The following ESRRB variants were observed in gnomAD, a reference collection of about 807,000 sequenced individuals.
The protein encoded by ESRRB is estrogen related receptor beta.
A neutral mutation model predicts 46.0 loss-of-function variants in ESRRB; 16 were observed. That is an observed-to-expected ratio of 0.35 (90% CI 0.24 to 0.53). The LOEUF (loss-of-function observed/expected upper bound fraction) is 0.53, where lower values mean the gene tolerates loss of function less well. Among genes scored for constraint, ESRRB ranks in the 20% least tolerant of loss-of-function variants. The pLI is 0.93. For missense variants in ESRRB, 488 were observed against 607.4 expected (o/e 0.80, Z 2.07); for synonymous variants, 246 against 259.6 (o/e 0.95, Z 0.50).
chr14:76,331,513 G>A (rs942049774), intron 1 of ESRRB, among the ~76,000 whole-genome samples: 1 of 152,120 alleles, frequency 6.6e-6, no homozygotes, highest in African/African-American at 2.4e-5. Context: ...TGTGTGGTTG[G>A]GGGAGAGGCT....
intron 1 of ESRRB, among the ~76,000 whole-genome samples, chr14:76,323,727 A>T (rs978531748): frequency 2.6e-5 from 4 of 152,158 alleles, no homozygotes; most frequent in Non-Finnish European, 4.4e-5. Flanking sequence ...GCAGGGTGAC[A>T]GCATATTAGG....
chr14:76,339,215 A>G (rs1029224236), intron 1 of ESRRB, among the ~76,000 whole-genome samples: 15 of 152,178 alleles, frequency 9.9e-5, no homozygotes, highest in Non-Finnish European at 1.8e-4. Flanking sequence ...GCTGTGTGGC[A>G]TCACGGAAAT....
chr14:76,457,265 G>A (rs1040779600), intron 2 of ESRRB, among the ~76,000 whole-genome samples: 2 of 152,022 alleles, frequency 1.3e-5, no homozygotes, highest in Non-Finnish European at 2.9e-5. Context: ...TCTAGGGACC[G>A]GAGGCAGACC....
intron 1 of ESRRB, among the ~76,000 whole-genome samples, chr14:76,390,103 T>C (rs577427909): frequency 3.0e-4 from 45 of 152,280 alleles, no homozygotes; most frequent in African/African-American, 1.0e-3. Context: ...ACATCCCAGC[T>C]CTGTGACCCC....
At chr14:76,407,420 G>A (rs1886236885) in intron 1 of ESRRB, 1 of 431,764 alleles carries the variant, frequency 2.3e-6, no homozygotes, top group Admixed American at 6.4e-5. Context: ...ATGTTTGAGG[G>A]CCGAAGAGCC....
chr14:76,374,493 G>A (rs1200817737), upstream of ESRRB, among the ~76,000 whole-genome samples: 1 of 152,142 alleles, frequency 6.6e-6, no homozygotes, highest in Non-Finnish European at 1.5e-5. Flanking sequence ...GGAGGCCAAG[G>A]ACTGGGGCCT....
upstream of ESRRB, among the ~76,000 whole-genome samples, chr14:76,368,757 G>A (rs969569108): frequency 2.6e-5 from 4 of 152,166 alleles, no homozygotes; most frequent in Non-Finnish European, 5.9e-5. Context: ...TGAAGCTCGA[G>A]CCTTCATGTA....
intron 3 of ESRRB, among the ~76,000 whole-genome samples, chr14:76,478,610 T>C (rs1326488671): frequency 6.6e-6 from 1 of 151,872 alleles, no homozygotes; most frequent in African/African-American, 2.4e-5. Flanking sequence ...TCCTGGCATA[T>C]AGTAGGTGCT....
chr14:76,480,812 G>A (rs1416447805), intron 3 of ESRRB, among the ~76,000 whole-genome samples: 1 of 152,232 alleles, frequency 6.6e-6, no homozygotes, highest in Non-Finnish European at 1.5e-5. Context: ...CTGTGAGGGT[G>A]ATACTCACTG....
At chr14:76,370,225 T>TAA (rs35273827), upstream of ESRRB, among the ~76,000 whole-genome samples, 30,303 of 139,936 alleles carry the variant, frequency 0.22, 3,261 homozygotes, top group East Asian at 0.33. Flanking sequence ...CCATCCCTGC[T>TAA]AAAAAAAAAA....
intron 1 of ESRRB, among the ~76,000 whole-genome samples, chr14:76,333,457 T>C (rs1284943605): frequency 7.5e-6 from 1 of 133,136 alleles, no homozygotes; most frequent in Non-Finnish European, 1.6e-5. Context: ...AAGTATATCA[T>C]ATATAAATAT....
intron 1 of ESRRB, among the ~76,000 whole-genome samples, chr14:76,434,785 C>T (rs1887603005): frequency 1.3e-5 from 2 of 152,314 alleles, no homozygotes; most frequent in South Asian, 2.1e-4. Flanking sequence ...AGGTCCCTGC[C>T]TGGAGCAGCT....
chr14:76,499,975 C>A lies in ESRRB; in HGVS notation c.*1517C>A, dbSNP rs201726554. The A allele has an allele frequency of 1.9e-6, 3 of 1,600,692 alleles. No individual in the cohort carries two copies. Among genetic ancestry groups the A allele is most frequent in the Non-Finnish European group, 2.6e-6 (3 of 1,173,358 alleles). ...ACAAGCAGGGATCAGAGCAACTCCC[C>A]GGGGATCCCCAATCCACGCCCTTCT... On this transcript the variant is annotated 3_prime_UTR_variant, in exon 7 of 7. Coordinates refer to ENST00000644823, the MANE Select transcript of ESRRB (RefSeq NM_001379180.1).
chr14:76,325,789 G>A lies in ESRRB; in HGVS notation c.2+14873G>A, dbSNP rs145694730. On this transcript the variant is annotated intron_variant, in intron 1 of 6. Transcript: ENST00000512784. ...TAGGAACACTGGAGTGGCTGAAGGG[G>A]GAGGTCAGGGCCATGAGGGCGCGCT... Among the ~76,000 whole-genome samples the A allele has an allele frequency of 3.5e-4, 53 of 152,318 alleles. No individual in the cohort carries two copies. In the East Asian group the frequency reaches 7.7e-3, roughly 22 times the overall value.
rs764973170 is a variant in ESRRB, at chr14:76,332,402, C to T, written c.2+21486C>T. Among the ~76,000 whole-genome samples, 129 of 138,808 alleles carry T rather than the reference C, an allele frequency of 9.3e-4. 4 individuals carry two copies. The highest frequency in any genetic ancestry group is 6.1e-4 in the East Asian group (3 of 4,918). 91.1% of individuals were successfully genotyped at this position (138,808 alleles called of 152,430 possible). A position where few individuals can be genotyped will look rare whatever the true frequency, so the allele number is the denominator to read the frequency against. ...CAGCCTCTATCTCCTGGGCTCAAGC[C>T]ATCCTTCTGCCTCCGCCTCCTGAGT... On this transcript the variant is annotated intron_variant, in intron 1 of 6. Transcript: ENST00000512784.
In ESRRB at chr14:76,482,765, C is replaced by G. The variant is rs761316497; in HGVS notation, c.850+6C>G. On this transcript the variant is annotated splice_donor_region_variant and intron_variant, in intron 5 of 6. Coordinates refer to ENST00000644823, the MANE Select transcript of ESRRB (RefSeq NM_001379180.1). The surrounding 1 kb of genome is among the most constrained non-coding windows in gnomAD (Gnocchi z 4.3). ...CTGGGCCAAGCACATCCCAGGTGAG[C>G]ATGTGGGACCAGGGGAGAGTGTGGC... is the stretch of plus-strand genomic sequence containing the variant. 2 of 1,613,866 alleles carry G rather than the reference C, an allele frequency of 1.2e-6. No homozygotes were observed. Among genetic ancestry groups the G allele is most frequent in the South Asian group, 2.2e-5 (2 of 91,066 alleles).
intron 1 of ESRRB, among the ~76,000 whole-genome samples, chr14:76,356,134 G>A (rs548213839): frequency 3.3e-4 from 51 of 152,316 alleles, no homozygotes; most frequent in African/African-American, 5.5e-4. Flanking sequence ...CAAATGGATC[G>A]GTGAATGAAT....
intron 1 of ESRRB, among the ~76,000 whole-genome samples, chr14:76,435,794 G>T (rs180892093): frequency 6.6e-6 from 1 of 152,356 alleles, no homozygotes; most frequent in Non-Finnish European, 1.5e-5. Flanking sequence ...TCACGCCATT[G>T]CATTCTAGGC....
chr14:76,398,729 A>AC (rs1239765622), intron 1 of ESRRB, among the ~76,000 whole-genome samples: 3 of 152,136 alleles, frequency 2.0e-5, no homozygotes, highest in African/African-American at 7.2e-5. Context: ...ATGCTGATAG[A>AC]ATCCTTGTGA....
Sources: gnomAD v4.1 joint callset for allele counts (sites outside exome capture counted in the v4.1 genomes callset) on GRCh38, gnomAD v4.1.1 for gene constraint, Gnocchi (gnomAD v3.1) non-coding constraint, MANE v1.5 for transcripts, NCBI Gene and HGNC (gene_info 2026-07-23, HGNC 2026-07-21) for gene names.